The following PRKG1 variants were observed in gnomAD, a reference collection of about 807,000 sequenced individuals.
PRKG1 encodes cGMP-dependent protein kinase 1.
Under a neutral mutation model 88.1 loss-of-function variants are expected in PRKG1, and 35 were observed. The ratio of observed to expected loss-of-function variants is 0.40; its 90% CI spans 0.30 to 0.53. The LOEUF (loss-of-function observed/expected upper bound fraction) is 0.53. Among genes scored for constraint, PRKG1 ranks in the 20% least tolerant of loss-of-function variants. The pLI is 0.59. For synonymous variants in PRKG1, 303 were observed against 292.5 expected (o/e 1.04, Z -0.37); for missense variants, 540 against 839.8 (o/e 0.64, Z 4.41).
At chr10:51,612,653 G>A (rs768644574) in intron 3 of PRKG1, among the ~76,000 whole-genome samples, 2 of 151,972 alleles carry the variant, frequency 1.3e-5, no homozygotes, top group South Asian at 2.1e-4. Context: ...ACAACATCCG[G>A]TACTTTCTTG....
At position 51,746,095 on chromosome 10, in the gene PRKG1, C is replaced by T. The variant is rs148443630; in HGVS notation, c.593-58490C>T. On this transcript the variant is annotated intron_variant, in intron 3 of 17. Transcript: ENST00000373980. Reference sequence around the variant, plus strand: ...GAACTACTGGCTTTAGGTGATCTCCCGCCTTAGCCTCCCAAAGTGCTGGCA... The same window carrying T: ...GAACTACTGGCTTTAGGTGATCTCCTGCCTTAGCCTCCCAAAGTGCTGGCA... Among the ~76,000 whole-genome samples, 582 of 152,130 alleles carry T rather than the reference C, an allele frequency of 3.8e-3. 3 individuals are homozygous for T. Among genetic ancestry groups the T allele is most frequent in the African/African-American group, 0.013 (543 of 41,504 alleles).
chr10:51,355,029 G>C (rs1842335423), intron 2 of PRKG1, among the ~76,000 whole-genome samples: 1 of 151,922 alleles, frequency 6.6e-6, no homozygotes, highest in Admixed American at 6.6e-5. Flanking sequence ...TTTATTAACT[G>C]TATGCTTTTT....
At chr10:52,009,750 A>C (rs777194018) in intron 5 of PRKG1, among the ~76,000 whole-genome samples, 1 of 152,172 alleles carries the variant, frequency 6.6e-6, no homozygotes, top group Non-Finnish European at 1.5e-5. Flanking sequence ...ATCTGGAGGC[A>C]TAACATACTC....
intron 2 of PRKG1, among the ~76,000 whole-genome samples, chr10:51,457,379 G>A (rs976336656): frequency 6.6e-6 from 1 of 152,090 alleles, no homozygotes; most frequent in Non-Finnish European, 1.5e-5. Context: ...TAAGCTATAA[G>A]GACACAAAGA....
At chr10:51,517,217 A>C (rs758847616) in intron 3 of PRKG1, among the ~76,000 whole-genome samples, 2 of 152,204 alleles carry the variant, frequency 1.3e-5, no homozygotes, top group South Asian at 2.1e-4. Flanking sequence ...TTTGATAAAG[A>C]GTGGAAAGTT....
intron 4 of PRKG1, among the ~76,000 whole-genome samples, chr10:51,859,420 A>G (rs556958245): frequency 3.5e-4 from 53 of 151,584 alleles, no homozygotes; most frequent in Admixed American, 1.1e-3. Flanking sequence ...AACAGAGCCT[A>G]TTAAATGCCC....
intron 2 of PRKG1, among the ~76,000 whole-genome samples, chr10:51,298,753 G>A (rs1840790870): frequency 6.6e-6 from 1 of 152,126 alleles, no homozygotes; most frequent in Admixed American, 6.6e-5. Context: ...ATTTTATGTG[G>A]GCTGAGAGTA....
chr10:51,041,628 G>A (rs1426144772), intron 1 of PRKG1, among the ~76,000 whole-genome samples: 1 of 151,684 alleles, frequency 6.6e-6, no homozygotes, highest in Non-Finnish European at 1.5e-5. Flanking sequence ...CCTGGAATTA[G>A]GGCCTGGAAT....
chr10:51,105,820 T>C (rs1844820517), intron 1 of PRKG1, among the ~76,000 whole-genome samples: 3 of 152,228 alleles, frequency 2.0e-5, no homozygotes, highest in African/African-American at 7.2e-5. Context: ...GACACAACAT[T>C]AAACATAAAC....
chr10:51,461,701 C>T (rs1839749343), intron 2 of PRKG1, among the ~76,000 whole-genome samples: 1 of 152,174 alleles, frequency 6.6e-6, no homozygotes, highest in African/African-American at 2.4e-5. Flanking sequence ...AATTCAAGAA[C>T]AAAATTGCAT....
At chr10:51,652,532 C>G (rs1233586310) in intron 3 of PRKG1, among the ~76,000 whole-genome samples, 1 of 152,124 alleles carries the variant, frequency 6.6e-6, no homozygotes, top group Admixed American at 6.5e-5. Flanking sequence ...GAGCTCCTAG[C>G]AAAGCACTTC....
intron 7 of PRKG1, chr10:52,128,110 G>T (rs10824067): frequency 0.68 from 665,116 of 984,982 alleles, 226,501 homozygotes; most frequent in East Asian, 0.71. Context: ...TGTGCTGTGT[G>T]AACTAAACTT....
intron 3 of PRKG1, among the ~76,000 whole-genome samples, chr10:51,795,989 A>G (rs1266600593): frequency 6.6e-6 from 1 of 152,132 alleles, no homozygotes; most frequent in Non-Finnish European, 1.5e-5. Context: ...GTTCTACTGC[A>G]GGGGAAACAT....
At chr10:52,023,873 T>G (rs1019320351) in intron 5 of PRKG1, among the ~76,000 whole-genome samples, 2 of 152,236 alleles carry the variant, frequency 1.3e-5, no homozygotes, top group South Asian at 2.1e-4. Flanking sequence ...GCCTATTTAC[T>G]CTAATGATAG....
At chr10:51,101,780 A>G (rs1452981395) in intron 1 of PRKG1, among the ~76,000 whole-genome samples, 2 of 152,200 alleles carry the variant, frequency 1.3e-5, no homozygotes, top group African/African-American at 4.8e-5. Flanking sequence ...TAAAACTAAA[A>G]TGCTGAGAAG....
intron 3 of PRKG1, among the ~76,000 whole-genome samples, chr10:51,578,980 G>GTTTTTT (rs752412264): frequency 7.7e-5 from 6 of 77,826 alleles, no homozygotes; most frequent in African/African-American, 2.1e-4. Flanking sequence ...AGTTCTGTTG[G>GTTTTTT]TTTTTTTTTT....
rs74131614 is a variant in PRKG1, at chr10:51,340,291, A to G, written c.479-127432A>G. 8.2e-3 allele frequency among the ~76,000 whole-genome samples: 1,244 copies of G among 152,172 alleles called. 16 individuals are homozygous for G. Among genetic ancestry groups the G allele is most frequent in the African/African-American group, 0.029 (1,190 of 41,538 alleles). ...TATTCTAACATGTTTATAACTCTAA[A>G]CCATTTGTTTTTTAAGAGGTTCTTT... On this transcript the variant is annotated intron_variant, in intron 2 of 17. Transcript: ENST00000373980.
chr10:51,691,307 T>C (rs1372408780), intron 3 of PRKG1, among the ~76,000 whole-genome samples: 1 of 147,442 alleles, frequency 6.8e-6, no homozygotes, highest in Non-Finnish European at 1.5e-5. Flanking sequence ...TTTCTTTTTA[T>C]CTTTTTTTTT....
intron 4 of PRKG1, among the ~76,000 whole-genome samples, chr10:51,904,975 T>G (rs111604736): frequency 6.6e-6 from 1 of 152,116 alleles, no homozygotes; most frequent in Non-Finnish European, 1.5e-5. Flanking sequence ...AATAAGCTGG[T>G]CTAAAGAAGG....
Sources: allele counts gnomAD v4.1 joint callset (sites outside exome capture counted in the v4.1 genomes callset), GRCh38; gene constraint gnomAD v4.1.1; transcripts MANE v1.5; gene names NCBI Gene and HGNC (gene_info 2026-07-23, HGNC 2026-07-21).